SLC39A12: variants seen among roughly 807,000 people sequenced by gnomAD.
The protein encoded by SLC39A12 is zinc transporter ZIP12.
Under a neutral mutation model 71.1 loss-of-function variants are expected in SLC39A12, and 63 were observed. That is an observed-to-expected ratio of 0.89 (90% CI 0.72 to 1.09). SLC39A12 has a LOEUF of 1.09. SLC39A12 is among the 50% of genes least tolerant of loss of function. The pLI is 0.00. For missense variants in SLC39A12, 892 were observed against 812.6 expected (o/e 1.10, Z -1.19); for synonymous variants, 351 against 301.3 (o/e 1.16, Z -1.71).
At chr10:17,992,135 A>C (rs1835569940) in intron 8 of SLC39A12, among the ~76,000 whole-genome samples, 1 of 151,666 alleles carries the variant, frequency 6.6e-6, no homozygotes, top group African/African-American at 2.4e-5. Context: ...ATAGCATAGC[A>C]CTTATTGTTT....
At chr10:18,038,244 C>T (rs1163197046) in intron 12 of SLC39A12, among the ~76,000 whole-genome samples, 1 of 151,978 alleles carries the variant, frequency 6.6e-6, no homozygotes, top group African/African-American at 2.4e-5. Flanking sequence ...TCTTAATTTT[C>T]TCACTGGGAG....
chr10:17,975,218 G>C (rs78852711), intron 4 of SLC39A12, among the ~76,000 whole-genome samples: 3,412 of 152,176 alleles, frequency 0.022, 115 homozygotes, highest in African/African-American at 0.074. Context: ...CCAAGTCCTG[G>C]AATCTCAGGC....
rs748409529 is a variant in SLC39A12, at chr10:17,978,017, T to C, written c.867T>C (p.Ser289=). The change falls in exon 5 of 13, where the codon TCT becomes TCC. Residue 289 remains serine (S), a synonymous_variant. Coordinates refer to ENST00000377369, the MANE Select transcript of SLC39A12 (RefSeq NM_001145195.2). ...NNIITHDQDY[S]NFSSSMEKES... is the part of the protein sequence containing the mutation. ...TAATAACCCATGATCAGGACTATTC[T>C]AATTTCTCTTCATCCATGGAAAAAG... 6.2e-7 allele frequency: 1 copy of C among 1,604,832 alleles called. No homozygotes were observed. Among genetic ancestry groups the C allele is most frequent in the African/African-American group, 1.3e-5 (1 of 74,390 alleles).
chr10:17,973,052 A>G (rs1835015172), intron 4 of SLC39A12, among the ~76,000 whole-genome samples: 1 of 152,050 alleles, frequency 6.6e-6, no homozygotes, highest in Non-Finnish European at 1.5e-5. Flanking sequence ...CTTATAATCC[A>G]TTATTTTAAA....
chr10:17,986,375 G>A (rs190095386), intron 6 of SLC39A12, among the ~76,000 whole-genome samples: 1 of 152,302 alleles, frequency 6.6e-6, no homozygotes, highest in African/African-American at 2.4e-5. Context: ...GATGGCTTAT[G>A]TAAACAACAG....
chr10:17,995,620 C>G, intron 9 of SLC39A12, 36 bp from the exon 10 acceptor site: 3 of 1,586,326 alleles, frequency 1.9e-6, no homozygotes, highest in East Asian at 2.2e-5. Flanking sequence ...ATGGCCATTA[C>G]TTATCTTTCA....
At chr10:17,976,614 G>A (rs543987849) in intron 4 of SLC39A12, among the ~76,000 whole-genome samples, 1 of 152,130 alleles carries the variant, frequency 6.6e-6, no homozygotes, top group African/African-American at 2.4e-5. Context: ...TTGTAGAGAA[G>A]TGGTTTCACC....
chr10:18,010,087 C>T (rs2130859036), intron 12 of SLC39A12, among the ~76,000 whole-genome samples: 1 of 152,284 alleles, frequency 6.6e-6, no homozygotes, highest in South Asian at 2.1e-4. Context: ...TCCCTCCTCC[C>T]CATTTTTCTT....
intron 12 of SLC39A12, among the ~76,000 whole-genome samples, chr10:18,026,425 C>T (rs1430134191): frequency 6.6e-6 from 1 of 152,020 alleles, no homozygotes; most frequent in African/African-American, 2.4e-5. Context: ...TACTTCTCAT[C>T]TTTGCTTCTT....
chr10:18,029,011 C>T (rs1033843218), intron 12 of SLC39A12, among the ~76,000 whole-genome samples: 3 of 150,798 alleles, frequency 2.0e-5, no homozygotes, highest in Non-Finnish European at 4.4e-5. Flanking sequence ...TGAGCCACCA[C>T]GCCCCACCAA....
chr10:17,985,723 A>C (rs774617777), intron 6 of SLC39A12, among the ~76,000 whole-genome samples: 5 of 152,090 alleles, frequency 3.3e-5, no homozygotes, highest in Non-Finnish European at 2.9e-5. Context: ...TGATTCTGAA[A>C]GTCATTTCCT....
rs1835600947 is a variant in SLC39A12, at chr10:17,993,248, G to A, written c.1490G>A (p.Ser497Asn). 6.4e-6 allele frequency: 10 copies of A among 1,551,972 alleles called. No homozygotes were observed. Among genetic ancestry groups the A allele is most frequent in the Non-Finnish European group, 7.0e-6 (8 of 1,147,018 alleles). Reference sequence around the variant, plus strand: ...CATCTTGCACTCAACTCTGAATTAAGTGACCAGGCAGGCAGAGGCAAATCT... The same window carrying A: ...CATCTTGCACTCAACTCTGAATTAAATGACCAGGCAGGCAGAGGCAAATCT... ...SHHLALNSEL[S>N]DQAGRGKSAS... Residue 497 changes from serine (S) to asparagine (N), a missense_variant, in exon 9 of 13, where the codon AGT becomes AAT. Transcript: ENST00000377369.
At position 17,963,365 on chromosome 10, in the gene SLC39A12, A is replaced by C. The variant is rs545477874; in HGVS notation, c.543+1503A>C. ...GTAACTCAGCACTTAAAAGCACTTAAAAGGTGATGTGGTGTGTATTTCCAG... is the reference window on the plus strand; with the variant it reads ...GTAACTCAGCACTTAAAAGCACTTACAAGGTGATGTGGTGTGTATTTCCAG... On this transcript the variant is annotated intron_variant, in intron 3 of 12. Coordinates refer to ENST00000377369, the MANE Select transcript of SLC39A12 (RefSeq NM_001145195.2). 8.7e-4 allele frequency among the ~76,000 whole-genome samples: 132 copies of C among 152,320 alleles called. 2 individuals are homozygous for C. Among genetic ancestry groups the C allele is most frequent in the Middle Eastern group, 6.8e-3 (2 of 294 alleles).
chr10:17,955,326 C>T (rs1834513261), intron 2 of SLC39A12, among the ~76,000 whole-genome samples: 1 of 142,258 alleles, frequency 7.0e-6, no homozygotes. Flanking sequence ...CTTCACCCTC[C>T]TTCTCTGTGA....
chr10:17,992,486 A>G, intron 8 of SLC39A12, among the ~76,000 whole-genome samples: 1 of 152,220 alleles, frequency 6.6e-6, no homozygotes, highest in East Asian at 1.9e-4. Context: ...GCCAATTTCT[A>G]TTACAGTACT....
chr10:18,036,794 A>ATATATT lies in SLC39A12; in HGVS notation c.1948-5910_1948-5909insATATTT, dbSNP rs1554855475. Among the ~76,000 whole-genome samples the ATATATT allele has an allele frequency of 1.8e-3, 166 of 92,658 alleles. 3 individuals carry two copies. Among genetic ancestry groups the ATATATT allele is most frequent in the East Asian group, 2.7e-3 (6 of 2,264 alleles). The allele number at this position is 92,658 out of a possible 152,430, so 60.8% of individuals were successfully genotyped here. On this transcript the variant is annotated intron_variant, in intron 12 of 12. Transcript: ENST00000377369. ...TATATATATATATATATATATATAT[A>ATATATT]TTTTTTTTTTTAATGGAATCTCACT...
chr10:17,982,816 G>A (rs7095247), intron 6 of SLC39A12, among the ~76,000 whole-genome samples: 28,809 of 151,950 alleles, frequency 0.19, 2,874 homozygotes, highest in Non-Finnish European at 0.2. Flanking sequence ...AAAAAATTGT[G>A]TCTCCTCTCG....
At chr10:17,987,366 C>A (rs928620292) in intron 6 of SLC39A12, 113 bp from the exon 7 acceptor site, 3 of 877,252 alleles carry the variant, frequency 3.4e-6, no homozygotes, top group Middle Eastern at 3.6e-4. Context: ...TTTAAAAAAT[C>A]CATATCCCTA....
chr10:17,969,073 A>C (rs1208569386), intron 4 of SLC39A12, among the ~76,000 whole-genome samples: 1 of 152,228 alleles, frequency 6.6e-6, no homozygotes, highest in Non-Finnish European at 1.5e-5. Flanking sequence ...TATTTCACTT[A>C]ACATAGTGTT....
Sources: allele counts gnomAD v4.1 joint callset (sites outside exome capture counted in the v4.1 genomes callset), GRCh38; gene constraint gnomAD v4.1.1; transcripts MANE v1.5; gene names NCBI Gene and HGNC (gene_info 2026-07-23, HGNC 2026-07-21).